MOV10L1: variants seen among roughly 807,000 people sequenced by gnomAD.
MOV10L1 encodes the protein Mov10 like RNA helicase 1, also known as RNA helicase Mov10l1.
In MOV10L1, 110 loss-of-function variants were observed where a neutral mutation model predicts 143.8. That is an observed-to-expected ratio of 0.76 (90% CI 0.66 to 0.90). The LOEUF (loss-of-function observed/expected upper bound fraction) is 0.90, where lower values mean the gene tolerates loss of function less well. Ranked by LOEUF, MOV10L1 falls within the 40% of genes least tolerant of loss-of-function variation. MOV10L1 has a pLI of 0.00. For missense variants in MOV10L1, 1,406 were observed against 1,526.8 expected (o/e 0.92, Z 1.32); for synonymous variants, 593 against 581.1 (o/e 1.02, Z -0.29).
intron 2 of MOV10L1, among the ~76,000 whole-genome samples, 165 bp downstream of exon 2, chr22:50,092,350 A>G (rs2062471207): frequency 6.6e-6 from 1 of 152,162 alleles, no homozygotes; most frequent in South Asian, 2.1e-4. Context: ...TAAAAAATAG[A>G]CTGGGTACAG....
intron 15 of MOV10L1, among the ~76,000 whole-genome samples, chr22:50,136,796 G>A (rs1400247044): frequency 1.3e-5 from 2 of 152,190 alleles, no homozygotes; most frequent in Non-Finnish European, 2.9e-5. Context: ...TGCATGATGT[G>A]AGTAAAATAC....
intron 5 of MOV10L1, chr22:50,109,731 A>G (rs2061971746): frequency 5.6e-6 from 1 of 177,792 alleles, no homozygotes; most frequent in Non-Finnish European, 1.2e-5. Flanking sequence ...GGTCCCAGCT[A>G]CACACGAGGT....
At chr22:50,142,894 C>A in intron 16 of MOV10L1, 149 bp from the exon 17 acceptor site, 2 of 682,298 alleles carry the variant, frequency 2.9e-6, no homozygotes. Flanking sequence ...GCGCATCTTA[C>A]CCCTGGTCAC....
intron 15 of MOV10L1, among the ~76,000 whole-genome samples, chr22:50,139,570 GAC>G (rs2062924447): frequency 6.6e-6 from 1 of 150,880 alleles, no homozygotes; most frequent in African/African-American, 2.4e-5. Context: ...AAAAAAAAAA[GAC>G]ACTGGTAAGA....
Position 50,091,995 on chromosome 22 carries a change from C to T in MOV10L1, c.98-6C>T. The stretch of plus-strand genomic sequence containing the variant: ...CCAAGATAACTTCTTTGTTTACCTA[C>T]CTCAGGTGACACTAAGCTGAAAACT... On this transcript the variant is annotated splice_polypyrimidine_tract_variant and splice_region_variant and intron_variant, in intron 1 of 26. Coordinates refer to ENST00000262794, the MANE Select transcript of MOV10L1 (RefSeq NM_018995.3). The T allele has an allele frequency of 6.2e-7, 1 of 1,611,744 alleles. No individual in the cohort carries two copies. The highest frequency in any genetic ancestry group is 2.2e-5 in the East Asian group (1 of 44,840).
Position 50,143,080 on chromosome 22 carries a change from G to C in MOV10L1, c.2217G>C (p.Glu739Asp), listed in dbSNP as rs1293618828. 1 of 1,614,186 alleles carries C rather than the reference G, an allele frequency of 6.2e-7. No individual in the cohort carries two copies. Among genetic ancestry groups the C allele is most frequent in the South Asian group, 1.1e-5 (1 of 91,086 alleles). ...EIQTPKARKMEFFNPVLNENQ... is the reference protein window; with the variant it reads ...EIQTPKARKMDFFNPVLNENQ... Reference sequence around the variant, plus strand: ...AGACCCCTAAAGCAAGAAAGATGGAGTTTTTCAACCCAGTGCTAAATGAAA... The same window carrying C: ...AGACCCCTAAAGCAAGAAAGATGGACTTTTTCAACCCAGTGCTAAATGAAA... The change falls in exon 17 of 27, where the codon GAG becomes GAC. Residue 739 changes from glutamate (E) to aspartate (D), a missense_variant. Physicochemically the swap from Glu to Asp is conservative, Grantham distance 45. Transcript: ENST00000262794.
chr22:50,150,710 G>A, intron 20 of MOV10L1, 25 bp from the exon 21 acceptor site: 1 of 1,609,946 alleles, frequency 6.2e-7, no homozygotes, highest in Non-Finnish European at 8.5e-7. Flanking sequence ...CCCTGCATGA[G>A]CTGAGACGGG....
intron 15 of MOV10L1, among the ~76,000 whole-genome samples, chr22:50,141,771 G>A (rs565055608): frequency 6.6e-6 from 1 of 152,292 alleles, no homozygotes; most frequent in Non-Finnish European, 1.5e-5. Flanking sequence ...AGCCTGGAAA[G>A]CAGGTAGGAT....
chr22:50,123,136 C>T lies in MOV10L1; in HGVS notation c.1570-2256C>T, dbSNP rs560300869. 2.5e-4 allele frequency among the ~76,000 whole-genome samples: 36 copies of T among 142,948 alleles called. No individual in the cohort carries two copies. In the South Asian group the frequency reaches 6.3e-3, roughly 25 times the overall value. The allele number at this position is 142,948 out of a possible 152,430, so 93.8% of individuals were successfully genotyped here. On this transcript the variant is annotated intron_variant, in intron 10 of 26. Coordinates refer to ENST00000262794, the MANE Select transcript of MOV10L1 (RefSeq NM_018995.3). ...GCTTGAGCCCAAGAGGCAGAGGTTG[C>T]GGTGAGCTGAGATCGCACCATTGCG...
rs1260199055 is a variant in MOV10L1, at chr22:50,117,229, A to G, written c.1332A>G (p.Val444=). The G allele has an allele frequency of 6.2e-7, 1 of 1,614,078 alleles. No homozygotes were observed. The highest frequency in any genetic ancestry group is 1.1e-5 in the South Asian group (1 of 91,068). Residue 444 remains valine (V), a synonymous_variant, in exon 9 of 27, where the codon GTA becomes GTG. Coordinates refer to ENST00000262794, the MANE Select transcript of MOV10L1 (RefSeq NM_018995.3). ...SDFLIGRYLE[V]NVISGEESLI... Reference sequence around the variant, plus strand: ...TCCTAATTGGGCGATACCTTGAAGTAAATGTTATCAGTGGGGAGGAGTCAC... The same window carrying G: ...TCCTAATTGGGCGATACCTTGAAGTGAATGTTATCAGTGGGGAGGAGTCAC...
At chr22:50,097,400 A>G (rs2062616385) in intron 2 of MOV10L1, among the ~76,000 whole-genome samples, 1 of 152,148 alleles carries the variant, frequency 6.6e-6, no homozygotes, top group Non-Finnish European at 1.5e-5. Context: ...GTAAGCCACC[A>G]CGCCTGGCCT....
In MOV10L1 at chr22:50,092,183, A is replaced by G. The variant is rs762586093; in HGVS notation, c.280A>G (p.Arg94Gly). 8 of 1,611,906 alleles carry G rather than the reference A, an allele frequency of 5.0e-6. No homozygotes were observed. In the East Asian group the frequency reaches 1.8e-4, roughly 36 times the overall value. ...NKVSNGLKAI[R>G]VEAVSDKWED... ...AGTGTCCAATGGACTGAAAGCAATC[A>G]GGGTAAGGTTTGAGTTCATTTGGGA... The change falls in exon 2 of 27, where the codon AGG becomes GGG. Residue 94 changes from arginine to glycine, a missense_variant and splice_region_variant. Around this residue, in one of 3 missense-constraint regions of MOV10L1, gnomAD observed 166 missense variants for 153.9 expected, o/e 1.08. Coordinates refer to ENST00000262794, the MANE Select transcript of MOV10L1 (RefSeq NM_018995.3).
At position 50,128,417 on chromosome 22, in the gene MOV10L1, T is replaced by C. The variant is rs375274987; in HGVS notation, c.1820T>C (p.Ile607Thr). The C allele has an allele frequency of 4.1e-6, 6 of 1,453,130 alleles. No individual in the cohort carries two copies. The highest frequency in any genetic ancestry group is 5.7e-6 in the Non-Finnish European group (6 of 1,046,684). 90.0% of individuals were successfully genotyped at this position (1,453,130 alleles called of 1,614,324 possible). A position where few individuals can be genotyped will look rare whatever the true frequency, so the allele number is the denominator to read the frequency against. ...GTATATTGTTTGTTCCTTTTTTAGA[T>C]TCATGAAGAAGATGTAACTCTTAAA... ...AIEYISYVTE[I>T]HEEDVTLKIN... The change falls in exon 13 of 27, where the codon ATT (isoleucine) becomes ACT (threonine). Residue 607 changes from isoleucine (I) to threonine (T), a missense_variant and splice_region_variant. By Grantham distance (89) the Ile-to-Thr change is moderately conservative. Around this residue, in one of 3 missense-constraint regions of MOV10L1, gnomAD observed 1,233 missense variants for 1,351.4 expected, o/e 0.91. Coordinates refer to ENST00000262794, the MANE Select transcript of MOV10L1 (RefSeq NM_018995.3).
chr22:50,151,034 G>T, intron 21 of MOV10L1, 135 bp downstream of exon 21: 2 of 1,096,202 alleles, frequency 1.8e-6, no homozygotes, highest in Non-Finnish European at 2.6e-6. Context: ...ACCCACCATA[G>T]CACCTCCCCC....
chr22:50,108,040 A>G, intron 3 of MOV10L1, 96 bp from the exon 4 acceptor site: 2 of 1,091,602 alleles, frequency 1.8e-6, no homozygotes, highest in South Asian at 2.8e-5. Context: ...GTTCAAATGT[A>G]TCCTCAGGTA....
chr22:50,112,769 C>A (rs1165505302), intron 5 of MOV10L1, among the ~76,000 whole-genome samples: 3 of 152,228 alleles, frequency 2.0e-5, no homozygotes, highest in Admixed American at 2.0e-4. Context: ...GGCAAGAGCT[C>A]CGCAGCTTCT....
At chr22:50,147,680 A>G (rs2063189449) in intron 19 of MOV10L1, among the ~76,000 whole-genome samples, 1 of 152,272 alleles carries the variant, frequency 6.6e-6, no homozygotes, top group African/African-American at 2.4e-5. Flanking sequence ...GGGCACTTCA[A>G]AGGGCAAAGA....
intron 5 of MOV10L1, among the ~76,000 whole-genome samples, chr22:50,111,078 A>C (rs2062011134): frequency 6.6e-6 from 1 of 152,110 alleles, no homozygotes; most frequent in African/African-American, 2.4e-5. Context: ...CTGTAACCAA[A>C]AGGTATGTGA....
intron 2 of MOV10L1, among the ~76,000 whole-genome samples, chr22:50,099,047 C>A (rs1000163636): frequency 6.6e-6 from 1 of 152,136 alleles, no homozygotes; most frequent in Non-Finnish European, 1.5e-5. Flanking sequence ...TAATATGCTG[C>A]TGCATTTGGT....
Sources: allele counts gnomAD v4.1 joint callset (sites outside exome capture counted in the v4.1 genomes callset), GRCh38; gene constraint gnomAD v4.1.1; regional missense constraint gnomAD v4.1.1; transcripts MANE v1.5; gene names NCBI Gene and HGNC (gene_info 2026-07-23, HGNC 2026-07-21).